The following SLC35A3 variants were observed in gnomAD, a reference collection of about 807,000 sequenced individuals.
SLC35A3 encodes the protein UDP-N-acetylglucosamine transporter.
SLC35A3 carries 26 observed loss-of-function variants against 39.0 expected under a neutral mutation model. That is an observed-to-expected ratio of 0.67 (90% CI 0.49 to 0.92). The LOEUF is 0.92. Among genes scored for constraint, SLC35A3 ranks in the 40% least tolerant of loss-of-function variants. SLC35A3 has a pLI of 0.00. For synonymous variants in SLC35A3, 135 were observed against 133.1 expected, an observed-to-expected ratio of 1.01 and a Z score of -0.10; for missense variants, 299 against 371.6, an observed-to-expected ratio of 0.80 and a Z score of 1.61.
At chr1:99,980,357 A>G (rs1657387058) in intron 1 of SLC35A3, among the ~76,000 whole-genome samples, 1 of 152,156 alleles carries the variant, frequency 6.6e-6, no homozygotes, top group African/African-American at 2.4e-5. Flanking sequence ...GGAGGGTGGG[A>G]AGGAGTAAGT....
intron 1 of SLC35A3, among the ~76,000 whole-genome samples, chr1:99,977,698 G>A (rs182657303): frequency 6.6e-6 from 1 of 152,228 alleles, no homozygotes; most frequent in Admixed American, 6.5e-5. Flanking sequence ...CACAATATCT[G>A]GCTAATTTTT....
intron 6 of SLC35A3, among the ~76,000 whole-genome samples, chr1:100,017,095 G>A (rs998899923): frequency 6.6e-6 from 1 of 152,202 alleles, no homozygotes; most frequent in Non-Finnish European, 1.5e-5. Flanking sequence ...GCAAAACTGT[G>A]TAGTATAGTA....
rs568691358 is a variant in SLC35A3, at chr1:100,019,925, A to G, written c.887+2110A>G. Reference sequence around the variant, plus strand: ...TGCTTATTGGTGTTACCATTCTTCCATTTAGGGTTGCTTATTCTTTTATCA... The same window carrying G: ...TGCTTATTGGTGTTACCATTCTTCCGTTTAGGGTTGCTTATTCTTTTATCA... On this transcript the variant is annotated intron_variant, in intron 7 of 7. Coordinates refer to ENST00000533028, the MANE Select transcript of SLC35A3 (RefSeq NM_012243.3). Among the ~76,000 whole-genome samples the G allele has an allele frequency of 5.3e-5, 8 of 152,086 alleles. No homozygotes were observed. The East Asian group carries it at 1.5e-3, about 29-fold the overall frequency.
intron 1 of SLC35A3, among the ~76,000 whole-genome samples, chr1:99,988,645 C>G (rs901891756): frequency 6.8e-6 from 1 of 146,950 alleles, no homozygotes; most frequent in Admixed American, 6.8e-5. Flanking sequence ...CTTCCCTCCC[C>G]TCTCCTCCCC....
intron 3 of SLC35A3, among the ~76,000 whole-genome samples, chr1:100,002,538 A>G (rs1021415910): frequency 5.9e-5 from 9 of 151,810 alleles, no homozygotes; most frequent in African/African-American, 2.2e-4. Context: ...TTATCTTTTC[A>G]TGAAACCAAT....
chr1:99,971,426 C>T (rs1445630434), intron 1 of SLC35A3, among the ~76,000 whole-genome samples: 4 of 152,016 alleles, frequency 2.6e-5, no homozygotes, highest in Non-Finnish European at 5.9e-5. Context: ...CCTGCCTCAG[C>T]CTCCTGAGTA....
chr1:100,032,003 T>C lies in SLC35A3; in HGVS notation c.*9527T>C, dbSNP rs1661272427. ...CCTTTCATGTCCTTTGAACTGGAAG[T>C]CAAGTCTATAGGTTTGATTACCTTC... On this transcript the variant is annotated 3_prime_UTR_variant, in exon 8 of 8. Coordinates refer to ENST00000533028, the MANE Select transcript of SLC35A3 (RefSeq NM_012243.3). The C allele has an allele frequency of 6.6e-6, 1 of 152,234 alleles. No homozygotes were observed. Among genetic ancestry groups the C allele is most frequent in the Non-Finnish European group, 1.5e-5 (1 of 68,042 alleles). The allele number at this position is 152,234 out of a possible 1,614,324, so 9.4% of individuals were successfully genotyped here.
Position 100,000,835 on chromosome 1 carries a change from A to C in SLC35A3, c.342+1420A>C, listed in dbSNP as rs561291195. On this transcript the variant is annotated intron_variant, in intron 3 of 7. Transcript: ENST00000533028. The stretch of plus-strand genomic sequence containing the variant: ...TATTTTCTTCTAGTAGTAGTTTTAT[A>C]GTTTTGAGTCTTATGTTTACATCTT... 7 of 151,716 alleles carry C rather than the reference A, an allele frequency of 4.6e-5. No homozygotes were observed. The South Asian group carries it at 8.3e-4, about 18-fold the overall frequency. 9.4% of individuals were successfully genotyped at this position (151,716 alleles called of 1,614,324 possible). A position where few individuals can be genotyped will look rare whatever the true frequency, so the allele number is the denominator to read the frequency against.
intron 1 of SLC35A3, among the ~76,000 whole-genome samples, chr1:99,987,627 G>A (rs1570579070): frequency 6.6e-6 from 1 of 152,030 alleles, no homozygotes; most frequent in Admixed American, 6.6e-5. Context: ...CCTAATGTAG[G>A]CATGAAATAA....
intron 5 of SLC35A3, among the ~76,000 whole-genome samples, chr1:100,011,977 C>T (rs1659694301): frequency 6.6e-6 from 1 of 151,966 alleles, no homozygotes. Context: ...CTCAGCCTCC[C>T]AAAGTGCTGG....
Position 100,033,607 on chromosome 1 carries a change from A to G in SLC35A3, c.*11131A>G, listed in dbSNP as rs1004911178. On this transcript the variant is annotated 3_prime_UTR_variant, in exon 8 of 8. Coordinates refer to ENST00000533028, the MANE Select transcript of SLC35A3 (RefSeq NM_012243.3). ...CTAATTTATACTGATAACATTTTAT[A>G]TAATGCATTTAGAGTCCCCAATTTG... is the stretch of plus-strand genomic sequence containing the variant. 2 of 152,150 alleles carry G rather than the reference A, an allele frequency of 1.3e-5. No individual in the cohort carries two copies. The highest frequency in any genetic ancestry group is 6.6e-5 in the Admixed American group (1 of 15,264). The allele number at this position is 152,150 out of a possible 1,614,324, so 9.4% of individuals were successfully genotyped here. A position where few individuals can be genotyped will look rare whatever the true frequency, so the allele number is the denominator to read the frequency against.
chr1:100,014,670 A>G, intron 5 of SLC35A3, among the ~76,000 whole-genome samples: 1 of 152,246 alleles, frequency 6.6e-6, no homozygotes, highest in Non-Finnish European at 1.5e-5. Context: ...ATTTGCACAT[A>G]TTCGAATGGG....
At chr1:100,015,511 GA>G in intron 6 of SLC35A3, 91 bp downstream of exon 6, 8 of 1,290,800 alleles carry the variant, frequency 6.2e-6, no homozygotes, top group South Asian at 3.9e-5. Flanking sequence ...ATGTGAGGGG[GA>G]AAAGGTCCCT....
At chr1:100,014,901 G>T (rs971851429) in intron 5 of SLC35A3, among the ~76,000 whole-genome samples, 2 of 152,150 alleles carry the variant, frequency 1.3e-5, no homozygotes, top group Non-Finnish European at 2.9e-5. Context: ...ACTCACACCT[G>T]TAATCCCAGG....
Position 100,029,224 on chromosome 1 carries a change from A to G in SLC35A3, c.*6748A>G, listed in dbSNP as rs1661091841. On this transcript the variant is annotated 3_prime_UTR_variant, in exon 8 of 8. Coordinates refer to ENST00000533028, the MANE Select transcript of SLC35A3 (RefSeq NM_012243.3). ...TCACCATAGGTTATCTCGTTAGCAT[A>G]AACTGTCAAGTGTTGTCTAAGGAAC... 6.6e-6 allele frequency: 1 copy of G among 152,122 alleles called. No individual in the cohort carries two copies. The highest frequency in any genetic ancestry group is 1.5e-5 in the Non-Finnish European group (1 of 68,040). 9.4% of individuals were successfully genotyped at this position (152,122 alleles called of 1,614,324 possible).
rs1354137872 is a variant in SLC35A3, at chr1:100,029,015, T to TA, written c.*6539_*6540insA. 1.3e-5 allele frequency: 2 copies of TA among 152,250 alleles called. No homozygotes were observed. The highest frequency in any genetic ancestry group is 2.9e-5 in the Non-Finnish European group (2 of 68,070). The allele number at this position is 152,250 out of a possible 1,614,324, so 9.4% of individuals were successfully genotyped here. ...GTGTTATCTACTCCTGACCACAATG[T>TA]TTGACAGTACACACATAGTATTGCC... On this transcript the variant is annotated 3_prime_UTR_variant, in exon 8 of 8. Transcript: ENST00000533028.
Position 100,027,414 on chromosome 1 carries a change from T to A in SLC35A3, c.*4938T>A. On this transcript the variant is annotated 3_prime_UTR_variant, in exon 8 of 8. Transcript: ENST00000533028. ...CTGCAGTAAACCATGATGACACTAC[T>A]GGACTCTAGCCTGAGTGACAGTGAG... The A allele has an allele frequency of 5.2e-6, 2 of 381,462 alleles. No homozygotes were observed. Among genetic ancestry groups the A allele is most frequent in the Non-Finnish European group, 9.3e-6 (2 of 215,788 alleles). 23.6% of individuals were successfully genotyped at this position (381,462 alleles called of 1,614,324 possible). A position where few individuals can be genotyped will look rare whatever the true frequency, so the allele number is the denominator to read the frequency against.
intron 7 of SLC35A3, among the ~76,000 whole-genome samples, chr1:100,021,259 G>GA (rs1380568699): frequency 5.3e-5 from 8 of 152,070 alleles, no homozygotes. Context: ...AGCTAGTCGG[G>GA]AGGCTGAGGC....
intron 2 of SLC35A3, 89 bp downstream of exon 2, chr1:99,993,830 T>C: frequency 1.8e-6 from 2 of 1,137,756 alleles, no homozygotes; most frequent in Non-Finnish European, 2.6e-6. Context: ...ACTCTTGCAT[T>C]GTCGAATGGC....
Sources: allele counts gnomAD v4.1 joint callset (sites outside exome capture counted in the v4.1 genomes callset), GRCh38; gene constraint gnomAD v4.1.1; transcripts MANE v1.5; gene names NCBI Gene and HGNC (gene_info 2026-07-23, HGNC 2026-07-21).